Variants in PDGFC observed in about 807,000 individuals in gnomAD.
PDGFC encodes the protein platelet-derived growth factor C.
Under a neutral mutation model 35.5 loss-of-function variants are expected in PDGFC, and 12 were observed. The ratio of observed to expected loss-of-function variants is 0.34; its 90% CI spans 0.22 to 0.55. PDGFC has a LOEUF of 0.55. Among genes scored for constraint, PDGFC ranks in the 20% least tolerant of loss-of-function variants. PDGFC has a pLI of 0.91. For missense variants in PDGFC, 322 were observed against 412.4 expected (o/e 0.78, Z 1.90); for synonymous variants, 159 against 148.8 (o/e 1.07, Z -0.50).
intron 3 of PDGFC, among the ~76,000 whole-genome samples, chr4:156,800,356 T>C (rs1244800917): frequency 6.6e-6 from 1 of 152,174 alleles, no homozygotes; most frequent in Non-Finnish European, 1.5e-5. Context: ...CTTTTAGCTT[T>C]GTTCTAAGAT....
At chr4:156,763,571 GCTTT>G (rs1318695681) in intron 5 of PDGFC, among the ~76,000 whole-genome samples, 8 of 151,948 alleles carry the variant, frequency 5.3e-5, no homozygotes, top group African/African-American at 1.7e-4. Flanking sequence ...TCTGTTTGTC[GCTTT>G]CTTTCATTCA....
intron 1 of PDGFC, among the ~76,000 whole-genome samples, chr4:156,917,115 A>T (rs2110826849): frequency 6.6e-6 from 1 of 152,336 alleles, no homozygotes; most frequent in Non-Finnish European, 1.5e-5. Flanking sequence ...GGAAGTTTTC[A>T]TGACCATAAA....
chr4:156,885,302 G>A (rs1730349857), intron 1 of PDGFC, among the ~76,000 whole-genome samples: 1 of 152,080 alleles, frequency 6.6e-6, no homozygotes, highest in African/African-American at 2.4e-5. Context: ...CTAAGATACA[G>A]TGAATTCCAT....
Position 156,971,238 on chromosome 4 carries a change from G to A in PDGFC, c.-335C>T, listed in dbSNP as rs1330061025. On this transcript the variant is annotated 5_prime_UTR_variant, in exon 1 of 6. Transcript: ENST00000502773. Reference sequence around the variant, plus strand: ...GGGGGTGGGGACGCGGGGGAGCGGCGAGAAGTCCCCAGCAAGTTGCTGGGA... The same window carrying A: ...GGGGGTGGGGACGCGGGGGAGCGGCAAGAAGTCCCCAGCAAGTTGCTGGGA... The A allele has an allele frequency of 2.3e-6, 1 of 435,146 alleles. No homozygotes were observed. Among genetic ancestry groups the A allele is most frequent in the Non-Finnish European group, 4.1e-6 (1 of 246,452 alleles). 27.0% of individuals were successfully genotyped at this position (435,146 alleles called of 1,614,324 possible). A position where few individuals can be genotyped will look rare whatever the true frequency, so the allele number is the denominator to read the frequency against.
chr4:156,779,762 A>G (rs1436371306), intron 3 of PDGFC, among the ~76,000 whole-genome samples: 1 of 152,246 alleles, frequency 6.6e-6, no homozygotes, highest in Non-Finnish European at 1.5e-5. Flanking sequence ...TCCCGTCATC[A>G]TGAAACTGGA....
chr4:156,906,041 T>G (rs1356890282), intron 1 of PDGFC, among the ~76,000 whole-genome samples: 2 of 152,186 alleles, frequency 1.3e-5, no homozygotes, highest in Non-Finnish European at 2.9e-5. Context: ...GATATACATT[T>G]ATAATCTATA....
chr4:156,964,498 C>A (rs2110980620), intron 1 of PDGFC, among the ~76,000 whole-genome samples: 1 of 148,414 alleles, frequency 6.7e-6, no homozygotes, highest in Middle Eastern at 3.7e-3. Context: ...ATATATATAC[C>A]ATTCCATTTG....
At chr4:156,877,590 A>G (rs886861376) in intron 1 of PDGFC, among the ~76,000 whole-genome samples, 2 of 152,180 alleles carry the variant, frequency 1.3e-5, no homozygotes, top group Non-Finnish European at 2.9e-5. Context: ...TATGCAAAGG[A>G]TTATTCGAGG....
chr4:156,867,943 T>C (rs1483772118), intron 1 of PDGFC, among the ~76,000 whole-genome samples: 1 of 152,102 alleles, frequency 6.6e-6, no homozygotes, highest in East Asian at 1.9e-4. Context: ...CAGGGCCCAA[T>C]GTTGGCTCAC....
intron 1 of PDGFC, among the ~76,000 whole-genome samples, chr4:156,951,774 C>G (rs531213376): frequency 3.3e-5 from 5 of 150,186 alleles, no homozygotes; most frequent in East Asian, 3.9e-4. Context: ...CTTTGAAAGA[C>G]TTCATTGCAC....
At chr4:156,820,048 C>G (rs1185038997) in intron 2 of PDGFC, among the ~76,000 whole-genome samples, 1 of 152,152 alleles carries the variant, frequency 6.6e-6, no homozygotes, top group Admixed American at 6.5e-5. Flanking sequence ...GGAACCTGAA[C>G]AGGTAACTGA....
intron 1 of PDGFC, among the ~76,000 whole-genome samples, chr4:156,919,484 C>G (rs144663168): frequency 4.8e-5 from 2 of 41,238 alleles, no homozygotes; most frequent in South Asian, 1.7e-3. Flanking sequence ...TTTTCTCACA[C>G]GCATTTTTTC....
At chr4:156,933,083 G>A (rs1020869712) in intron 1 of PDGFC, among the ~76,000 whole-genome samples, 3 of 151,844 alleles carry the variant, frequency 2.0e-5, no homozygotes, top group Admixed American at 1.3e-4. Flanking sequence ...TCTCTGAATC[G>A]GGGTTGCCTC....
intron 3 of PDGFC, among the ~76,000 whole-genome samples, chr4:156,804,096 A>AGAAAGAG (rs1731689102): frequency 9.2e-6 from 1 of 109,162 alleles, no homozygotes; most frequent in Non-Finnish European, 1.7e-5. Flanking sequence ...ACCCTGAAAA[A>AGAAAGAG]TACACATGTA....
At chr4:156,901,364 C>G (rs927282406) in intron 1 of PDGFC, among the ~76,000 whole-genome samples, 3 of 152,036 alleles carry the variant, frequency 2.0e-5, no homozygotes, top group Non-Finnish European at 4.4e-5. Flanking sequence ...CCCTAGAAAG[C>G]ATGTGAAGGA....
chr4:156,807,071 T>C (rs1362577028), intron 3 of PDGFC, among the ~76,000 whole-genome samples: 3 of 151,858 alleles, frequency 2.0e-5, no homozygotes, highest in Non-Finnish European at 4.4e-5. Context: ...CATTAACTCC[T>C]TAGGCACAAT....
intron 5 of PDGFC, among the ~76,000 whole-genome samples, chr4:156,766,279 T>C (rs188529569): frequency 1.3e-5 from 2 of 152,216 alleles, no homozygotes; most frequent in African/African-American, 4.8e-5. Flanking sequence ...TTTATACATA[T>C]ATAAGGTTCC....
intron 1 of PDGFC, among the ~76,000 whole-genome samples, chr4:156,891,147 A>G (rs771978091): frequency 9.9e-5 from 15 of 152,058 alleles, no homozygotes; most frequent in Admixed American, 2.0e-4. Flanking sequence ...ATACAAAGGT[A>G]AGTATTTATG....
At chr4:156,798,124 G>A (rs1311816135) in intron 3 of PDGFC, among the ~76,000 whole-genome samples, 3 of 152,196 alleles carry the variant, frequency 2.0e-5, no homozygotes, top group East Asian at 3.9e-4. Context: ...CACGGGAGGC[G>A]AAGGTTGCAG....
Sources: gnomAD v4.1 joint callset for allele counts (sites outside exome capture counted in the v4.1 genomes callset) on GRCh38, gnomAD v4.1.1 for gene constraint, MANE v1.5 for transcripts, NCBI Gene and HGNC (gene_info 2026-07-23, HGNC 2026-07-21) for gene names.